Variants in PPP1R14C observed in about 807,000 individuals in gnomAD.
PPP1R14C encodes the protein protein phosphatase 1 regulatory inhibitor subunit 14C.
In PPP1R14C, 16 loss-of-function variants were observed where a neutral mutation model predicts 20.4. The ratio of observed to expected loss-of-function variants is 0.78; its 90% confidence interval spans 0.53 to 1.19. PPP1R14C has a LOEUF of 1.19. PPP1R14C is among the 50% of genes most tolerant of loss of function. PPP1R14C has a pLI of 0.00. For synonymous variants in PPP1R14C, 91 were observed against 91.0 expected, an observed-to-expected ratio of 1.00 and a Z score of 0.00; for missense variants, 211 against 220.1, an observed-to-expected ratio of 0.96 and a Z score of 0.26.
At chr6:150,192,268 C>A (rs1394805337) in intron 1 of PPP1R14C, among the ~76,000 whole-genome samples, 1 of 152,242 alleles carries the variant, frequency 6.6e-6, no homozygotes, top group East Asian at 1.9e-4. Context: ...GGTCCCCAAC[C>A]TTTTTGGCAT....
At chr6:150,224,403 T>C (rs1046620998) in intron 3 of PPP1R14C, among the ~76,000 whole-genome samples, 3 of 152,218 alleles carry the variant, frequency 2.0e-5, no homozygotes, top group Non-Finnish European at 4.4e-5. Flanking sequence ...GGGATTTTTA[T>C]TGGGATTTCA....
At chr6:150,227,096 T>TA (rs1257755107) in intron 3 of PPP1R14C, among the ~76,000 whole-genome samples, 2 of 152,236 alleles carry the variant, frequency 1.3e-5, no homozygotes, top group African/African-American at 4.8e-5. Flanking sequence ...ACTGATCTTT[T>TA]AAAATCATTG....
At chr6:150,190,351 T>C (rs1339667147) in intron 1 of PPP1R14C, among the ~76,000 whole-genome samples, 1 of 151,810 alleles carries the variant, frequency 6.6e-6, no homozygotes, top group Admixed American at 6.6e-5. Context: ...CTCCCCACTT[T>C]ATGCATGTTA....
rs1305625423 is a variant in PPP1R14C at position 150,143,960 on chromosome 6, T to G, written c.306+462T>G. On this transcript the variant is annotated intron_variant, in intron 1 of 3. Transcript: ENST00000361131. This position sits in a 1 kb window ranked among gnomAD's most constrained non-coding sequence, Gnocchi z 5.6. ...AGAACGAGCAGGGAAGGAAGGAAGC[T>G]GCCTCGTGGAAAGGAGAGGTTCTGG... is the stretch of plus-strand genomic sequence containing the variant. Among the ~76,000 whole-genome samples, 1 of 152,196 alleles carries G rather than the reference T, an allele frequency of 6.6e-6. No individual in the cohort carries two copies.
chr6:150,229,695 A>C (rs1778270157), intron 3 of PPP1R14C, among the ~76,000 whole-genome samples: 1 of 152,184 alleles, frequency 6.6e-6, no homozygotes, highest in African/African-American at 2.4e-5. Flanking sequence ...GAGGGGGAAA[A>C]AACAGGATGT....
intron 3 of PPP1R14C, among the ~76,000 whole-genome samples, chr6:150,229,879 C>G (rs1013986417): frequency 6.6e-6 from 1 of 152,088 alleles, no homozygotes; most frequent in African/African-American, 2.4e-5. Context: ...CCCCTGCCCC[C>G]CAAAAAGAAG....
chr6:150,154,823 C>T (rs1020849541), intron 1 of PPP1R14C, among the ~76,000 whole-genome samples: 2 of 152,114 alleles, frequency 1.3e-5, no homozygotes. Flanking sequence ...TCCTCTGAAA[C>T]CTCTCCTTAA....
At chr6:150,200,663 C>T (rs926569999) in intron 1 of PPP1R14C, among the ~76,000 whole-genome samples, 1 of 152,188 alleles carries the variant, frequency 6.6e-6, no homozygotes, top group Non-Finnish European at 1.5e-5. Context: ...TAGAAGCAGC[C>T]ATATCCCCTA....
intron 1 of PPP1R14C, among the ~76,000 whole-genome samples, chr6:150,151,589 A>G (rs943000682): frequency 1.3e-5 from 2 of 152,160 alleles, no homozygotes; most frequent in African/African-American, 4.8e-5. Context: ...TATTGTTTCT[A>G]CTACTGCTGG....
chr6:150,188,093 G>T (rs1236595499), intron 1 of PPP1R14C, among the ~76,000 whole-genome samples: 2 of 152,186 alleles, frequency 1.3e-5, no homozygotes, highest in Non-Finnish European at 2.9e-5. Flanking sequence ...GTTGGAGAAA[G>T]GTCTGTTTAT....
At chr6:150,196,500 CA>C (rs1777806494) in intron 1 of PPP1R14C, among the ~76,000 whole-genome samples, 1 of 151,446 alleles carries the variant, frequency 6.6e-6, no homozygotes, top group Non-Finnish European at 1.5e-5. Context: ...ATGTTCTCCT[CA>C]ATCCAAATTG....
intron 1 of PPP1R14C, among the ~76,000 whole-genome samples, chr6:150,146,197 G>A (rs1052576313): frequency 1.3e-5 from 2 of 152,110 alleles, no homozygotes; most frequent in African/African-American, 4.8e-5. Flanking sequence ...TTGTTTAAAT[G>A]TAAATAAAGA....
At chr6:150,210,534 C>G (rs1335991298) in intron 1 of PPP1R14C, among the ~76,000 whole-genome samples, 1 of 152,228 alleles carries the variant, frequency 6.6e-6, no homozygotes, top group African/African-American at 2.4e-5. Flanking sequence ...TCTCTTCCTT[C>G]TGTCATTCCC....
intron 3 of PPP1R14C, among the ~76,000 whole-genome samples, chr6:150,223,163 T>C (rs1266822643): frequency 1.3e-5 from 2 of 152,220 alleles, no homozygotes; most frequent in Admixed American, 1.3e-4. Context: ...CTCCAGGTCT[T>C]TTCATTGCTT....
chr6:150,146,503 C>T (rs1777182185), intron 1 of PPP1R14C, among the ~76,000 whole-genome samples: 1 of 152,156 alleles, frequency 6.6e-6, no homozygotes, highest in Non-Finnish European at 1.5e-5. Flanking sequence ...ATGTTACTTC[C>T]CAGAGTCATG....
chr6:150,167,323 G>A (rs908288707), intron 1 of PPP1R14C, among the ~76,000 whole-genome samples: 5 of 151,950 alleles, frequency 3.3e-5, no homozygotes, highest in South Asian at 4.2e-4. Context: ...AGCCGAGATC[G>A]CACCACTGCA....
chr6:150,210,858 C>G (rs1778016051), intron 1 of PPP1R14C, among the ~76,000 whole-genome samples: 2 of 152,146 alleles, frequency 1.3e-5, no homozygotes, highest in Admixed American at 1.3e-4. Context: ...ACTGTATAGC[C>G]CCTCAGCCTG....
intron 1 of PPP1R14C, among the ~76,000 whole-genome samples, chr6:150,199,541 AGCC>A (rs1562267449): frequency 6.6e-6 from 1 of 152,172 alleles, no homozygotes; most frequent in African/African-American, 2.4e-5. Context: ...TAAACCCACC[AGCC>A]TCTTCATCTT....
chr6:150,150,374 A>G (rs1296804523), intron 1 of PPP1R14C, among the ~76,000 whole-genome samples: 1 of 151,872 alleles, frequency 6.6e-6, no homozygotes, highest in African/African-American at 2.4e-5. Flanking sequence ...AGTCCCACCC[A>G]CTGTCTTTTC....
Sources: gnomAD v4.1 joint callset for allele counts (sites outside exome capture counted in the v4.1 genomes callset) on GRCh38, gnomAD v4.1.1 for gene constraint, Gnocchi (gnomAD v3.1) non-coding constraint, MANE v1.5 for transcripts, NCBI Gene and HGNC (gene_info 2026-07-23, HGNC 2026-07-21) for gene names.